ARHGAP32: variants seen among roughly 807,000 people sequenced by gnomAD.
ARHGAP32 encodes Rho GTPase activating protein 32, also known as rho GTPase-activating protein 32.
In ARHGAP32, 51 loss-of-function variants were observed where a neutral mutation model predicts 186.5. The ratio of observed to expected loss-of-function variants is 0.27; its 90% CI spans 0.22 to 0.35. The LOEUF is 0.35. Ranked by LOEUF, ARHGAP32 falls within the 10% of genes least tolerant of loss-of-function variation. The pLI, the probability that ARHGAP32 is intolerant of heterozygous loss-of-function variation, is 1.00. For synonymous variants in ARHGAP32, 950 were observed against 964.3 expected (o/e 0.99, Z 0.27); for missense variants, 2,186 against 2,623.5 (o/e 0.83, Z 3.64).
intron 11 of ARHGAP32, among the ~76,000 whole-genome samples, chr11:129,018,089 G>A (rs150009963): frequency 1.4e-3 from 211 of 151,792 alleles, no homozygotes; most frequent in Middle Eastern, 6.8e-3. Context: ...AGTGCAGAAC[G>A]TGCAGAAGGC....
chr11:129,129,453 A>T (rs1440059768), intron 2 of ARHGAP32, among the ~76,000 whole-genome samples: 1 of 143,576 alleles, frequency 7.0e-6, no homozygotes, highest in Non-Finnish European at 1.5e-5. Context: ...CCCGTCTGGG[A>T]GGTGGGGGGC....
chr11:129,021,972 A>G (rs1487030696), intron 11 of ARHGAP32, among the ~76,000 whole-genome samples: 1 of 152,108 alleles, frequency 6.6e-6, no homozygotes, highest in Non-Finnish European at 1.5e-5. Context: ...GATATTATAT[A>G]CAGAATATAG....
chr11:129,201,867 C>A (rs941161393), intron 1 of ARHGAP32, among the ~76,000 whole-genome samples: 6 of 152,036 alleles, frequency 3.9e-5, no homozygotes, highest in Non-Finnish European at 7.4e-5. Flanking sequence ...TCTGTAGACC[C>A]AGCTACTCAG....
At chr11:128,990,797 C>T (rs1565361235) in intron 12 of ARHGAP32, among the ~76,000 whole-genome samples, 1 of 152,082 alleles carries the variant, frequency 6.6e-6, no homozygotes, top group Non-Finnish European at 1.5e-5. Flanking sequence ...TTTGGGGCTA[C>T]AAAATTTCAG....
intron 2 of ARHGAP32, among the ~76,000 whole-genome samples, chr11:129,162,221 C>A (rs1008800352): frequency 3.9e-5 from 6 of 152,084 alleles, no homozygotes; most frequent in Non-Finnish European, 1.5e-5. Context: ...GTGCAGCAAA[C>A]CACCATGGCA....
rs560113605 is a variant in ARHGAP32, at chr11:128,973,164, G to A, written c.3342C>T (p.Thr1114=). The change falls in exon 22 of 23, where the codon ACC becomes ACT. Residue 1114 remains threonine, a synonymous_variant. Transcript: ENST00000682385. ...AVALDKAYFQ[T]DRPAEQFHLQ... Reference sequence around the variant, plus strand: ...GGTGGAACTGCTCTGCTGGTCGATCGGTTTGGAAATAGGCCTTATCTAGAG... The same window carrying A: ...GGTGGAACTGCTCTGCTGGTCGATCAGTTTGGAAATAGGCCTTATCTAGAG... 31 of 1,614,010 alleles carry A rather than the reference G, an allele frequency of 1.9e-5. No individual in the cohort carries two copies. Among genetic ancestry groups the A allele is most frequent in the Admixed American group, 6.7e-5 (4 of 59,998 alleles).
chr11:129,147,928 A>G (rs1943202096), intron 2 of ARHGAP32, among the ~76,000 whole-genome samples: 1 of 152,222 alleles, frequency 6.6e-6, no homozygotes, highest in Admixed American at 6.5e-5. Context: ...AGACAAAGAC[A>G]TTACTATTCA....
At chr11:129,270,640 G>A (rs989314851) in intron 1 of ARHGAP32, among the ~76,000 whole-genome samples, 1 of 151,878 alleles carries the variant, frequency 6.6e-6, no homozygotes, top group African/African-American at 2.4e-5. Flanking sequence ...CTGATAATGG[G>A]GGAAGCTGCA....
chr11:128,988,837 T>C (rs1945955072), intron 12 of ARHGAP32, among the ~76,000 whole-genome samples: 1 of 152,218 alleles, frequency 6.6e-6, no homozygotes, highest in Non-Finnish European at 1.5e-5. Flanking sequence ...GCATGCAGTA[T>C]AAAACAGAAT....
chr11:128,974,203 T>C lies in ARHGAP32; in HGVS notation c.2994A>G (p.Glu998=). The C allele has an allele frequency of 6.2e-7, 1 of 1,614,228 alleles. No individual in the cohort carries two copies. Among genetic ancestry groups the C allele is most frequent in the Non-Finnish European group, 8.5e-7 (1 of 1,180,032 alleles). ...VQPLDQVAAE[E]VELPGKEDQS... ...GATCCTCTTTCCCTGGCAATTCTAC[T>C]TCTTCAGCAGCCACCTGGTCCAGGG... Residue 998 remains glutamate (E), a synonymous_variant, in exon 21 of 23, where the codon GAA becomes GAG. Transcript: ENST00000682385.
In ARHGAP32 at chr11:129,067,958, G is replaced by A. The variant is rs373976517; in HGVS notation, c.532-1090C>T. 7.9e-5 allele frequency among the ~76,000 whole-genome samples: 12 copies of A among 152,200 alleles called. No individual in the cohort carries two copies. In the East Asian group the frequency reaches 1.7e-3, roughly 22 times the overall value. On this transcript the variant is annotated intron_variant, in intron 6 of 22. Transcript: ENST00000682385. ...CATTACCAGCTCCCTCTTTCAGAGG[G>A]TTCTAAGAATGAAATAATAGATGTG... is the stretch of plus-strand genomic sequence containing the variant.
intron 5 of ARHGAP32, among the ~76,000 whole-genome samples, chr11:129,102,761 G>A (rs1941937937): frequency 6.6e-6 from 1 of 152,098 alleles, no homozygotes; most frequent in Admixed American, 6.5e-5. Flanking sequence ...CATTGTTGGT[G>A]GTATTCGTAC....
intron 2 of ARHGAP32, among the ~76,000 whole-genome samples, chr11:129,162,719 G>T (rs1943555530): frequency 6.6e-6 from 1 of 152,076 alleles, no homozygotes; most frequent in Non-Finnish European, 1.5e-5. Context: ...CTGCAGACTT[G>T]ATGATATTTC....
At chr11:129,234,507 G>C (rs1408604764) in intron 1 of ARHGAP32, among the ~76,000 whole-genome samples, 1 of 152,028 alleles carries the variant, frequency 6.6e-6, no homozygotes, top group African/African-American at 2.4e-5. Context: ...CTATTATCTT[G>C]TACTTTTCTG....
In ARHGAP32 at chr11:128,974,590, G is replaced by A; in HGVS notation, c.2607C>T (p.Val869=). The A allele has an allele frequency of 6.2e-7, 1 of 1,614,182 alleles. No individual in the cohort carries two copies. The highest frequency in any genetic ancestry group is 8.5e-7 in the Non-Finnish European group (1 of 1,180,008). Residue 869 remains valine (V), a synonymous_variant, in exon 21 of 23, where the codon GTC becomes GTT. Coordinates refer to ENST00000682385, the MANE Select transcript of ARHGAP32 (RefSeq NM_001378024.1). ...GACTCAGTTTCTCCTGAAGAGGAGA[G>A]ACAGGTTCAGAGCTTGCTGTGCTTC... ...TPGSTASSEP[V]SPLQEKLSPF...
chr11:129,128,853 GGGATTGC>G (rs1565436160), intron 2 of ARHGAP32, among the ~76,000 whole-genome samples: 5 of 152,180 alleles, frequency 3.3e-5, no homozygotes, highest in Non-Finnish European at 7.3e-5. Flanking sequence ...CCGAGGTGCC[GGGATTGC>G]AGACGGAGTC....
At chr11:129,244,269 T>C (rs919168712) in intron 1 of ARHGAP32, among the ~76,000 whole-genome samples, 8 of 152,198 alleles carry the variant, frequency 5.3e-5, no homozygotes, top group African/African-American at 1.7e-4. Flanking sequence ...AGAGAGATAA[T>C]TAACTTTGTC....
At chr11:129,100,459 C>CA (rs1326236025) in intron 5 of ARHGAP32, among the ~76,000 whole-genome samples, 1 of 152,186 alleles carries the variant, frequency 6.6e-6, no homozygotes, top group Non-Finnish European at 1.5e-5. Context: ...GACCATGCAT[C>CA]AGCCCAGACT....
chr11:129,123,456 C>T lies in ARHGAP32; in HGVS notation c.434G>A (p.Gly145Asp), dbSNP rs749821981. The T allele has an allele frequency of 4.3e-6, 7 of 1,612,250 alleles. No homozygotes were observed. The highest frequency in any genetic ancestry group is 5.9e-6 in the Non-Finnish European group (7 of 1,178,840). Residue 145 changes from glycine to aspartate, a missense_variant, in exon 5 of 23, where the codon GGC (glycine) becomes GAC (aspartate). Gly to Asp is a moderately conservative substitution (Grantham distance 94). This residue lies in a region of ARHGAP32 where 308 missense variants were observed against 596.5 expected (regional missense o/e 0.52). Coordinates refer to ENST00000682385, the MANE Select transcript of ARHGAP32 (RefSeq NM_001378024.1). The surrounding 1 kb of genome is among the most constrained non-coding windows in gnomAD (Gnocchi z 4.6). ...AHFHYENVEF[G>D]SIQLSLSEEQ... ...AATATTTCAGTATACCTGTATGCTG[C>T]CGAACTCAACATTCTCATAATGGAA... is the stretch of plus-strand genomic sequence containing the variant.
Sources: allele counts gnomAD v4.1 joint callset (sites outside exome capture counted in the v4.1 genomes callset), GRCh38; gene constraint gnomAD v4.1.1; regional missense constraint gnomAD v4.1.1; non-coding constraint Gnocchi (gnomAD v3.1); transcripts MANE v1.5; gene names NCBI Gene and HGNC (gene_info 2026-07-23, HGNC 2026-07-21).